The following LIPA variants were observed in gnomAD, a reference collection of about 807,000 sequenced individuals.
LIPA encodes lysosomal acid lipase/cholesteryl ester hydrolase.
A neutral mutation model predicts 40.6 loss-of-function variants in LIPA; 26 were observed. That is an observed-to-expected ratio of 0.64 (90% CI 0.47 to 0.89). The LOEUF (loss-of-function observed/expected upper bound fraction) is 0.89, where lower values mean the gene tolerates loss of function less well. LIPA is among the 40% of genes least tolerant of loss of function. The pLI, the probability that LIPA is intolerant of heterozygous loss-of-function variation, is 0.00. For missense variants in LIPA, 455 were observed against 479.6 expected (o/e 0.95, Z 0.48); for synonymous variants, 188 against 168.4 (o/e 1.12, Z -0.90).
chr10:89,371,964 G>A (rs1181263231), intron 2 of LIPA, among the ~76,000 whole-genome samples: 1 of 152,170 alleles, frequency 6.6e-6, no homozygotes, highest in South Asian at 2.1e-4. Context: ...CAGAAAACAA[G>A]ATACTGCATG....
intron 2 of LIPA, chr10:89,392,499 A>C: frequency 7.0e-6 from 1 of 142,160 alleles, no homozygotes; most frequent in Non-Finnish European, 1.4e-5. Flanking sequence ...GAATTCCGCT[A>C]GCTTTAGTTT....
At position 89,375,021 on chromosome 10, in the gene LIPA, T is replaced by C. The variant is rs182184640; in HGVS notation, c.61+37770A>G. On this transcript the variant is annotated intron_variant, in intron 2 of 8. Transcript: ENST00000371837. ...CTCTCTCAGTGCCCACTGGGAAAAA[T>C]TGTAGTCTGGAAGGGCTCCAGCTAA... 1.8e-4 allele frequency among the ~76,000 whole-genome samples: 28 copies of C among 152,220 alleles called. No individual in the cohort carries two copies. The East Asian group carries it at 4.4e-3, about 24-fold the overall frequency.
chr10:89,240,621 G>A (rs758568962), intron 3 of LIPA, among the ~76,000 whole-genome samples: 1 of 152,144 alleles, frequency 6.6e-6, no homozygotes. Flanking sequence ...AACTTCAAGA[G>A]GTAAAGAAAA....
chr10:89,325,280 G>C (rs1843592477), intron 1 of LIPA, among the ~76,000 whole-genome samples: 1 of 152,200 alleles, frequency 6.6e-6, no homozygotes, highest in South Asian at 2.1e-4. Context: ...ATGTAAATTA[G>C]TTCAGTCACT....
chr10:89,303,426 T>A (rs369601101), intron 1 of LIPA, among the ~76,000 whole-genome samples: 2 of 152,306 alleles, frequency 1.3e-5, no homozygotes, highest in South Asian at 4.1e-4. Flanking sequence ...GTGGCTTTCA[T>A]CCAGATAAGA....
intron 1 of LIPA, among the ~76,000 whole-genome samples, chr10:89,282,722 CACA>C (rs1206841944): frequency 6.6e-6 from 1 of 152,176 alleles, no homozygotes; most frequent in Non-Finnish European, 1.5e-5. Flanking sequence ...CTAAGAGCTT[CACA>C]ACAAGCCTAT....
At chr10:89,379,529 A>G (rs577305090) in intron 2 of LIPA, among the ~76,000 whole-genome samples, 1 of 152,246 alleles carries the variant, frequency 6.6e-6, no homozygotes, top group South Asian at 2.1e-4. Flanking sequence ...TTTCACTCAA[A>G]AGTATTCTGA....
At chr10:89,403,477 A>G (rs1207226293) in intron 2 of LIPA, 1 of 1,612,440 alleles carries the variant, frequency 6.2e-7, no homozygotes, top group Non-Finnish European at 8.5e-7. Context: ...GCAATTATCC[A>G]TTATTTAAAA....
At chr10:89,322,136 T>C (rs906564480) in intron 1 of LIPA, among the ~76,000 whole-genome samples, 2 of 152,092 alleles carry the variant, frequency 1.3e-5, no homozygotes, top group Admixed American at 1.3e-4. Context: ...AGTTAATGGG[T>C]GCAGCACACC....
chr10:89,266,130 A>G (rs777378024), intron 1 of LIPA, among the ~76,000 whole-genome samples: 7 of 152,350 alleles, frequency 4.6e-5, no homozygotes, highest in South Asian at 4.1e-4. Context: ...TAATCAAAAC[A>G]CAGCATCGTA....
At chr10:89,340,209 A>G (rs1843841196) in intron 1 of LIPA, 3 of 1,411,024 alleles carry the variant, frequency 2.1e-6, no homozygotes, top group Non-Finnish European at 2.9e-6. Context: ...GGGGGCCCCA[A>G]CCTGGGATTG....
chr10:89,328,189 T>C (rs921399243), intron 1 of LIPA: 3 of 1,081,212 alleles, frequency 2.8e-6, no homozygotes, highest in Non-Finnish European at 2.8e-6. Context: ...ATAGATTCAA[T>C]ATGTCTTTAT....
chr10:89,285,960 A>G (rs1843339228), intron 1 of LIPA, among the ~76,000 whole-genome samples: 1 of 151,872 alleles, frequency 6.6e-6, no homozygotes, highest in Admixed American at 6.6e-5. Flanking sequence ...CTGTGTTCTC[A>G]AGAACTTAAA....
intron 2 of LIPA, among the ~76,000 whole-genome samples, chr10:89,365,354 C>A (rs1450079415): frequency 6.6e-6 from 1 of 152,146 alleles, no homozygotes. Context: ...GGTATTAGCC[C>A]TTTGTCAGAT....
chr10:89,301,854 T>C (rs1355661374), intron 1 of LIPA: 2 of 355,964 alleles, frequency 5.6e-6, no homozygotes, highest in Middle Eastern at 8.2e-4. Context: ...TGCTGCCTTC[T>C]TTCTCTGATC....
At chr10:89,331,983 A>G (rs2133544080) in intron 1 of LIPA, among the ~76,000 whole-genome samples, 1 of 152,216 alleles carries the variant, frequency 6.6e-6, no homozygotes, top group Non-Finnish European at 1.5e-5. Flanking sequence ...CTATAATCCC[A>G]GCACTTTGGG....
chr10:89,241,701 C>T (rs1181840267), intron 3 of LIPA, among the ~76,000 whole-genome samples: 1 of 152,152 alleles, frequency 6.6e-6, no homozygotes, highest in Non-Finnish European at 1.5e-5. Context: ...TTTCTGCATG[C>T]TGAAGGCAGT....
intron 3 of LIPA, among the ~76,000 whole-genome samples, chr10:89,239,114 T>C (rs1035537768): frequency 1.3e-5 from 2 of 152,206 alleles, no homozygotes; most frequent in Admixed American, 1.3e-4. Context: ...ACGCATTATC[T>C]CAGATAAGTC....
intron 1 of LIPA, among the ~76,000 whole-genome samples, chr10:89,288,715 T>G (rs767504296): frequency 1.3e-5 from 2 of 152,104 alleles, no homozygotes. Context: ...TATAGTATCT[T>G]CCACACCTAT....
Sources: gnomAD v4.1 joint callset for allele counts (sites outside exome capture counted in the v4.1 genomes callset) on GRCh38, gnomAD v4.1.1 for gene constraint, MANE v1.5 for transcripts, NCBI Gene and HGNC (gene_info 2026-07-23, HGNC 2026-07-21) for gene names.